MYO9A: variants seen among roughly 807,000 people sequenced by gnomAD.
The protein encoded by MYO9A is unconventional myosin-IXa.
Under a neutral mutation model 293.3 loss-of-function variants are expected in MYO9A, and 103 were observed. The ratio of observed to expected loss-of-function variants is 0.35; its 90% CI spans 0.30 to 0.41. The LOEUF is 0.41. MYO9A is among the 10% of genes least tolerant of loss of function. The probability of loss-of-function intolerance (pLI) is 1.00; values close to 1 mark genes in which losing one functional copy is unlikely to be tolerated. For synonymous variants in MYO9A, 1,001 were observed against 1,035.7 expected, an observed-to-expected ratio of 0.97 and a Z score of 0.64; for missense variants, 2,685 against 3,033.0, an observed-to-expected ratio of 0.89 and a Z score of 2.69.
At chr15:72,078,432 G>A (rs1441482313) in intron 1 of MYO9A, among the ~76,000 whole-genome samples, 1 of 152,056 alleles carries the variant, frequency 6.6e-6, no homozygotes, top group Non-Finnish European at 1.5e-5. Context: ...ATAGAGGCTA[G>A]AGTGAGCCCA....
Position 71,883,798 on chromosome 15 carries a change from A to G in MYO9A, c.5256-62T>C. ...AGTATCTCAGTGATAATATTTGTAT[A>G]TATCACTTTAAGCTTTACAAATCTT... On this transcript the variant is annotated intron_variant, in intron 27 of 41. Transcript: ENST00000356056. 6 of 1,405,126 alleles carry G rather than the reference A, an allele frequency of 4.3e-6. No homozygotes were observed. The African/African-American group carries it at 5.8e-5, about 13-fold the overall frequency. The allele number at this position is 1,405,126 out of a possible 1,614,324, so 87.0% of individuals were successfully genotyped here.
intron 4 of MYO9A, 136 bp downstream of exon 4, chr15:72,027,595 G>A: frequency 3.1e-6 from 2 of 648,016 alleles, no homozygotes; most frequent in Non-Finnish European, 5.3e-6. Context: ...TTCTGCCCAT[G>A]ACAGAAATAG....
chr15:72,027,913 ATTGG>A, intron 3 of MYO9A, 120 bp from the exon 4 acceptor site: 1 of 721,412 alleles, frequency 1.4e-6, no homozygotes, highest in Admixed American at 3.0e-5. Flanking sequence ...AATATGCGCC[ATTGG>A]CCGGGCGAGG....
chr15:71,955,960 T>C (rs540582840), intron 14 of MYO9A, among the ~76,000 whole-genome samples: 71 of 152,198 alleles, frequency 4.7e-4, no homozygotes, highest in African/African-American at 1.6e-3. Context: ...TTTTGTAATA[T>C]AGAGTATTGT....
chr15:71,970,082 C>T (rs550478337), intron 12 of MYO9A, among the ~76,000 whole-genome samples: 38 of 152,162 alleles, frequency 2.5e-4, no homozygotes, highest in Non-Finnish European at 8.8e-5. Flanking sequence ...TGCTCTAATC[C>T]TAACTTCGGT....
chr15:72,041,888 A>C (rs2078235860), intron 2 of MYO9A, among the ~76,000 whole-genome samples: 1 of 151,946 alleles, frequency 6.6e-6, no homozygotes, highest in Non-Finnish European at 1.5e-5. Flanking sequence ...AAAAAAAAAA[A>C]AACAGTAATA....
At chr15:72,006,820 G>C (rs1454556431) in intron 8 of MYO9A, among the ~76,000 whole-genome samples, 3 of 152,214 alleles carry the variant, frequency 2.0e-5, no homozygotes, top group African/African-American at 7.2e-5. Context: ...TTGGAAATGA[G>C]TGAAGTCTGC....
chr15:72,020,262 T>C (rs950757236), intron 5 of MYO9A, among the ~76,000 whole-genome samples: 1 of 152,186 alleles, frequency 6.6e-6, no homozygotes, highest in African/African-American at 2.4e-5. Flanking sequence ...CCATTAGTGC[T>C]GGTTGTAAAA....
At chr15:72,045,588 G>A (rs1596462084) in intron 2 of MYO9A, 136 bp downstream of exon 2, 1 of 1,034,720 alleles carries the variant, frequency 9.7e-7, no homozygotes. Flanking sequence ...TTGGAGCTGG[G>A]AGATGGAACA....
chr15:71,975,238 A>G (rs1296205766), intron 12 of MYO9A, among the ~76,000 whole-genome samples: 2 of 152,146 alleles, frequency 1.3e-5, no homozygotes, highest in African/African-American at 4.8e-5. Flanking sequence ...TGAGTTGTAT[A>G]TTCTTTTGAT....
chr15:71,942,793 T>C (rs2058811741), intron 15 of MYO9A, among the ~76,000 whole-genome samples: 1 of 152,042 alleles, frequency 6.6e-6, no homozygotes, highest in African/African-American at 2.4e-5. Context: ...TTTTCCTTCA[T>C]CAAGCAAATT....
intron 1 of MYO9A, among the ~76,000 whole-genome samples, chr15:72,051,065 ATTTGTT>A (rs1201486530): frequency 6.6e-6 from 1 of 151,664 alleles, no homozygotes; most frequent in East Asian, 1.9e-4. Flanking sequence ...TTGTTTTTGT[ATTTGTT>A]TTTGTTTTAT....
At chr15:72,098,467 C>G (rs962159793) in intron 1 of MYO9A, among the ~76,000 whole-genome samples, 1 of 151,812 alleles carries the variant, frequency 6.6e-6, no homozygotes, top group Non-Finnish European at 1.5e-5. Flanking sequence ...TAAATATACT[C>G]CTAAATAATA....
At chr15:71,961,544 A>G (rs547248933) in intron 13 of MYO9A, among the ~76,000 whole-genome samples, 31 of 152,304 alleles carry the variant, frequency 2.0e-4, no homozygotes, top group Admixed American at 5.2e-4. Flanking sequence ...ATCCTTTCAG[A>G]TAGATATTAC....
In MYO9A at chr15:72,095,745, C is replaced by T. The variant is rs532761982; in HGVS notation, c.-72+21935G>A. ...GCTAATGACTAAGCTGAAACCAATG[C>T]TCATTGACCATTCTGAAAATCCTAG... On this transcript the variant is annotated intron_variant, in intron 1 of 41. Transcript: ENST00000356056. Among the ~76,000 whole-genome samples, 12 of 91,384 alleles carry T rather than the reference C, an allele frequency of 1.3e-4. 2 individuals are homozygous for T. The highest frequency in any genetic ancestry group is 3.1e-4 in the African/African-American group (12 of 38,854). 60.0% of individuals were successfully genotyped at this position (91,384 alleles called of 152,430 possible). A position where few individuals can be genotyped will look rare whatever the true frequency, so the allele number is the denominator to read the frequency against.
intron 1 of MYO9A, among the ~76,000 whole-genome samples, chr15:72,077,749 AAAAATATATATATATAT>A (rs1164187483): frequency 6.9e-4 from 23 of 33,330 alleles, no homozygotes; most frequent in African/African-American, 1.9e-3. Flanking sequence ...AAAAAAAAAA[AAAAATATATATATATAT>A]ATATATATAT....
Position 71,825,017 on chromosome 15 carries a change from G to C in MYO9A, c.*1563C>G, listed in dbSNP as rs1186302034. On this transcript the variant is annotated 3_prime_UTR_variant, in exon 42 of 42. Transcript: ENST00000356056. ...AAAATACAGGTTATAGATGGTAAAG[G>C]CTCTTTTTCAGAGCAGTGCATGTAG... 1 of 152,198 alleles carries C rather than the reference G, an allele frequency of 6.6e-6. No individual in the cohort carries two copies. Among genetic ancestry groups the C allele is most frequent in the Non-Finnish European group, 1.5e-5 (1 of 68,046 alleles). 9.4% of individuals were successfully genotyped at this position (152,198 alleles called of 1,614,324 possible).
intron 1 of MYO9A, among the ~76,000 whole-genome samples, chr15:72,090,185 T>A (rs2079860638): frequency 6.6e-6 from 1 of 152,204 alleles, no homozygotes; most frequent in Admixed American, 6.5e-5. Flanking sequence ...AATATTCAAG[T>A]TTTCCAATGA....
intron 19 of MYO9A, among the ~76,000 whole-genome samples, chr15:71,906,758 C>CTTTTTTT (rs71131714): frequency 4.9e-5 from 3 of 61,006 alleles, no homozygotes; most frequent in African/African-American, 6.4e-5. Flanking sequence ...CCATTTCTTT[C>CTTTTTTT]TTTTTTTTTT....
Sources: allele counts gnomAD v4.1 joint callset (sites outside exome capture counted in the v4.1 genomes callset), GRCh38; gene constraint gnomAD v4.1.1; transcripts MANE v1.5; gene names NCBI Gene and HGNC (gene_info 2026-07-23, HGNC 2026-07-21).